Variants in DAB2IP observed in about 807,000 individuals in gnomAD.
DAB2IP encodes disabled homolog 2-interacting protein.
DAB2IP carries 28 observed loss-of-function variants against 107.2 expected under a neutral mutation model. That is an observed-to-expected ratio of 0.26 (90% CI 0.19 to 0.36). The LOEUF (loss-of-function observed/expected upper bound fraction) is 0.36, where lower values mean the gene tolerates loss of function less well. Among genes scored for constraint, DAB2IP ranks in the 10% least tolerant of loss-of-function variants. The pLI is 1.00. For missense variants in DAB2IP, 1,400 were observed against 1,644.7 expected, an observed-to-expected ratio of 0.85 and a Z score of 2.57; for synonymous variants, 755 against 706.4, an observed-to-expected ratio of 1.07 and a Z score of -1.09.
intron 1 of DAB2IP, among the ~76,000 whole-genome samples, chr9:121,615,493 C>A (rs2118984250): frequency 6.6e-6 from 1 of 152,300 alleles, no homozygotes; most frequent in East Asian, 1.9e-4. Flanking sequence ...AGTGACTAGC[C>A]TCAGGTAAAT....
chr9:121,706,465 C>T (rs983664104), intron 3 of DAB2IP, among the ~76,000 whole-genome samples: 26 of 152,126 alleles, frequency 1.7e-4, no homozygotes, highest in Admixed American at 1.5e-3. Flanking sequence ...TCTCTGAGTT[C>T]GCGGTGGAGT....
intron 1 of DAB2IP, among the ~76,000 whole-genome samples, chr9:121,582,925 GTGAAGGCTCTGCCC>G (rs1156600766): frequency 6.6e-6 from 1 of 152,238 alleles, no homozygotes; most frequent in Non-Finnish European, 1.5e-5. Flanking sequence ...CTGTCTCCAG[GTGAAGGCTCTGCCC>G]TGCGGGCAGC....
intron 9 of DAB2IP, among the ~76,000 whole-genome samples, chr9:121,767,963 C>CACTT (rs1212451563): frequency 1.4e-4 from 22 of 152,154 alleles, no homozygotes; most frequent in Admixed American, 1.4e-3. Context: ...GTGGGGTCTC[C>CACTT]ACTTAGGGTA....
At chr9:121,642,016 T>TTTC (rs1832348265) in intron 1 of DAB2IP, among the ~76,000 whole-genome samples, 3 of 29,432 alleles carry the variant, frequency 1.0e-4, no homozygotes, top group African/African-American at 4.4e-4. Flanking sequence ...TCTCTCTCTC[T>TTTC]CTCTCTCTCT....
chr9:121,636,225 G>C (rs1023514429), intron 1 of DAB2IP, among the ~76,000 whole-genome samples: 4 of 152,062 alleles, frequency 2.6e-5, no homozygotes, highest in African/African-American at 9.7e-5. Context: ...TCTTTTGGGG[G>C]TGGAACCAGG....
chr9:121,625,507 C>T (rs1831613003), intron 1 of DAB2IP, among the ~76,000 whole-genome samples: 1 of 152,176 alleles, frequency 6.6e-6, no homozygotes. Context: ...GGTGATCTGC[C>T]TGCCCCGGCC....
At chr9:121,716,382 G>A (rs577282299) in intron 3 of DAB2IP, among the ~76,000 whole-genome samples, 3 of 152,310 alleles carry the variant, frequency 2.0e-5, no homozygotes, top group Admixed American at 1.3e-4. Flanking sequence ...GCTATTGTCC[G>A]GAAACTGAGT....
intron 3 of DAB2IP, among the ~76,000 whole-genome samples, chr9:121,714,078 T>G (rs1249237386): frequency 6.6e-6 from 1 of 152,196 alleles, no homozygotes; most frequent in African/African-American, 2.4e-5. Context: ...TCATATTCTG[T>G]CATCACACAC....
At chr9:121,666,169 A>G (rs1589478170) in intron 1 of DAB2IP, among the ~76,000 whole-genome samples, 2 of 151,696 alleles carry the variant, frequency 1.3e-5, no homozygotes, top group South Asian at 4.2e-4. Context: ...GCCCCATGTC[A>G]CTCCCACCTC....
At position 121,704,092 on chromosome 9, in the gene DAB2IP, CTAGGTTTTCTT is replaced by C. The variant is rs529612803; in HGVS notation, c.362+4637_362+4647del. Among the ~76,000 whole-genome samples the C allele has an allele frequency of 6.2e-4, 94 of 152,206 alleles. 1 individual carries two copies. In the East Asian group the frequency reaches 0.016, roughly 26 times the overall value. ...AATCATTTAGGCATTTAGGTTATGTCTAGGTTTTCTTTATTAAAAATGACACTGGGATTTAA... is the reference window on the plus strand; with the variant it reads ...AATCATTTAGGCATTTAGGTTATGTCTATTAAAAATGACACTGGGATTTAA... On this transcript the variant is annotated intron_variant, in intron 3 of 15. Transcript: ENST00000408936.
chr9:121,684,708 C>T lies in DAB2IP; in HGVS notation c.228+5927C>T, dbSNP rs554530935. 2.8e-4 allele frequency among the ~76,000 whole-genome samples: 43 copies of T among 152,336 alleles called. No individual in the cohort carries two copies. Among genetic ancestry groups the T allele is most frequent in the African/African-American group, 9.9e-4 (41 of 41,594 alleles). ...CCCCATTTGTGCCCCTTCCAAGCTA[C>T]GGAGGCTCCGGGTGGCTGTTGGGGT... On this transcript the variant is annotated intron_variant, in intron 2 of 15. Transcript: ENST00000408936. The surrounding 1 kb of genome is among the most constrained non-coding windows in gnomAD (Gnocchi z 4.0).
intron 1 of DAB2IP, among the ~76,000 whole-genome samples, chr9:121,614,218 G>A (rs1205689847): frequency 6.6e-6 from 1 of 151,848 alleles, no homozygotes; most frequent in Non-Finnish European, 1.5e-5. Flanking sequence ...GATCCTCATC[G>A]TGTTCTTTAC....
intron 1 of DAB2IP, among the ~76,000 whole-genome samples, chr9:121,626,419 G>T (rs1831648486): frequency 8.2e-6 from 1 of 121,554 alleles, no homozygotes; most frequent in Admixed American, 9.1e-5. Context: ...CTTCAGACGA[G>T]AAACCTTTTT....
intron 3 of DAB2IP, among the ~76,000 whole-genome samples, chr9:121,755,719 C>T (rs576103973): frequency 1.4e-4 from 22 of 152,310 alleles, no homozygotes; most frequent in Non-Finnish European, 3.2e-4. Context: ...CTGCTCACCT[C>T]TGGATTCTTG....
At chr9:121,733,921 G>A (rs1831704622) in intron 3 of DAB2IP, among the ~76,000 whole-genome samples, 1 of 152,234 alleles carries the variant, frequency 6.6e-6, no homozygotes, top group African/African-American at 2.4e-5. Context: ...TGCAGGGACA[G>A]GTAGGACCTA....
chr9:121,603,867 G>A (rs1474765830), intron 1 of DAB2IP, among the ~76,000 whole-genome samples: 1 of 152,136 alleles, frequency 6.6e-6, no homozygotes, highest in Non-Finnish European at 1.5e-5. Context: ...ATGGGCTCAG[G>A]GCATGGGTGA....
At chr9:121,759,941 C>T (rs1833772622) in exon 6 of DAB2IP, 24 of 1,614,120 alleles carry the variant, frequency 1.5e-5, no homozygotes, top group Non-Finnish European at 1.9e-5. Flanking sequence ...AGGCCAAGGA[C>T]CTGCCAGCCA....
intron 3 of DAB2IP, among the ~76,000 whole-genome samples, chr9:121,748,027 G>A (rs866337545): frequency 1.3e-5 from 2 of 152,122 alleles, no homozygotes; most frequent in Non-Finnish European, 2.9e-5. Flanking sequence ...TGGTCTCTCC[G>A]GAGCTTTGGC....
At chr9:121,616,287 C>G (rs1831274324) in intron 1 of DAB2IP, among the ~76,000 whole-genome samples, 1 of 152,170 alleles carries the variant, frequency 6.6e-6, no homozygotes, top group Non-Finnish European at 1.5e-5. Context: ...GGAAAATGCT[C>G]TCTTTTAGAG....
Sources: gnomAD v4.1 joint callset for allele counts (sites outside exome capture counted in the v4.1 genomes callset) on GRCh38, gnomAD v4.1.1 for gene constraint, Gnocchi (gnomAD v3.1) non-coding constraint, MANE v1.5 for transcripts, NCBI Gene and HGNC (gene_info 2026-07-23, HGNC 2026-07-21) for gene names.